CDC123: variants seen among roughly 807,000 people sequenced by gnomAD.
CDC123 encodes the protein translation initiation factor eIF2 assembly protein.
In CDC123, 37 loss-of-function variants were observed where a neutral mutation model predicts 54.4. The observed-to-expected ratio is 0.68, with a 90% confidence interval of 0.52 to 0.89. The LOEUF is 0.89. Among genes scored for constraint, CDC123 ranks in the 40% least tolerant of loss-of-function variants. The pLI is 0.00. For missense variants in CDC123, 361 were observed against 412.1 expected (o/e 0.88, Z 1.07); for synonymous variants, 144 against 136.8 (o/e 1.05, Z -0.37).
chr10:12,197,755 C>A (rs1835383972), intron 1 of CDC123, among the ~76,000 whole-genome samples: 1 of 151,838 alleles, frequency 6.6e-6, no homozygotes. Context: ...TTTGCTCTGT[C>A]GCCCAAGCTG....
chr10:12,217,083 CTT>C (rs1835673680), intron 5 of CDC123, among the ~76,000 whole-genome samples: 1 of 152,186 alleles, frequency 6.6e-6, no homozygotes, highest in African/African-American at 2.4e-5. Flanking sequence ...ATTTTCTTCT[CTT>C]CTATTATCAG....
intron 2 of CDC123, among the ~76,000 whole-genome samples, chr10:12,201,325 A>C (rs763283479): frequency 1.1e-4 from 16 of 152,192 alleles, no homozygotes; most frequent in Non-Finnish European, 1.8e-4. Flanking sequence ...GAGAATATAT[A>C]ATGAAAATTG....
chr10:12,216,968 CG>C (rs1564435886), intron 5 of CDC123, among the ~76,000 whole-genome samples: 1 of 152,166 alleles, frequency 6.6e-6, no homozygotes, highest in African/African-American at 2.4e-5. Context: ...TCCCCAGAAA[CG>C]GGAAGAGTGG....
intron 3 of CDC123, 128 bp downstream of exon 3, chr10:12,210,152 A>C: frequency 6.9e-7 from 1 of 1,439,044 alleles, no homozygotes. Context: ...TCTTACTTTG[A>C]CATATATTTT....
At chr10:12,235,962 T>C (rs1835972122) in intron 8 of CDC123, among the ~76,000 whole-genome samples, 1 of 152,186 alleles carries the variant, frequency 6.6e-6, no homozygotes, top group Admixed American at 6.5e-5. Flanking sequence ...AATAGTCCAG[T>C]TAGTGTGTTT....
At chr10:12,197,875 A>G (rs745485386) in intron 1 of CDC123, among the ~76,000 whole-genome samples, 5 of 152,108 alleles carry the variant, frequency 3.3e-5, no homozygotes, top group Non-Finnish European at 7.4e-5. Context: ...ACCATTTGTA[A>G]TGTGCCAAAA....
chr10:12,236,158 G>T (rs1835974497), intron 8 of CDC123, among the ~76,000 whole-genome samples: 1 of 152,248 alleles, frequency 6.6e-6, no homozygotes, highest in Non-Finnish European at 1.5e-5. Flanking sequence ...GAAAGTGGAA[G>T]AGAATACCAA....
chr10:12,211,008 G>A (rs544338286), intron 4 of CDC123, among the ~76,000 whole-genome samples: 4 of 152,182 alleles, frequency 2.6e-5, no homozygotes, highest in South Asian at 2.1e-4. Flanking sequence ...GGCCTCAAGC[G>A]TATTTAAATG....
intron 2 of CDC123, among the ~76,000 whole-genome samples, chr10:12,206,900 A>G (rs1451498475): frequency 6.6e-6 from 1 of 150,854 alleles, no homozygotes; most frequent in Non-Finnish European, 1.5e-5. Flanking sequence ...TAGACCTTGC[A>G]ATGAGCTGAA....
In CDC123 at chr10:12,198,540, T is replaced by C. The variant is rs1403772131; in HGVS notation, c.75-165T>C. On this transcript the variant is annotated intron_variant, in intron 1 of 12. Transcript: ENST00000281141. ...GGCAATAAGATGAACCGCAGTAATC[T>C]TATTATTCTGATTTCTTGTCTACTG... Among the ~76,000 whole-genome samples the C allele has an allele frequency of 2.0e-5, 3 of 152,224 alleles. No homozygotes were observed. In the East Asian group the frequency reaches 5.8e-4, roughly 29 times the overall value.
At chr10:12,233,994 T>C (rs939999006) in intron 7 of CDC123, among the ~76,000 whole-genome samples, 3 of 152,132 alleles carry the variant, frequency 2.0e-5, no homozygotes, top group Non-Finnish European at 4.4e-5. Context: ...TGGTGATTCA[T>C]TGTGACAAAC....
At chr10:12,235,016 G>A (rs1176826789) in intron 7 of CDC123, 32 bp from the exon 8 acceptor site, 4 of 1,546,492 alleles carry the variant, frequency 2.6e-6, no homozygotes, top group African/African-American at 1.4e-5. Flanking sequence ...ACATAGGTGT[G>A]TTATATTAAA....
chr10:12,241,787 A>C (rs1188445631), intron 10 of CDC123, among the ~76,000 whole-genome samples: 1 of 152,176 alleles, frequency 6.6e-6, no homozygotes, highest in African/African-American at 2.4e-5. Flanking sequence ...TTCAGAGAAG[A>C]ACAGTCATTG....
At chr10:12,237,683 T>A (rs2131761575) in intron 9 of CDC123, 1 of 152,636 alleles carries the variant, frequency 6.6e-6, no homozygotes, top group African/African-American at 2.4e-5. Context: ...ATCCGCCCAC[T>A]TCAGCCTCAC....
intron 10 of CDC123, 92 bp downstream of exon 10, chr10:12,238,577 T>C: frequency 2.7e-6 from 4 of 1,475,050 alleles, no homozygotes; most frequent in East Asian, 2.4e-5. Context: ...GAAGGATCCA[T>C]GCTCAAAAAA....
intron 2 of CDC123, among the ~76,000 whole-genome samples, chr10:12,203,102 G>A (rs1183051203): frequency 6.6e-6 from 1 of 152,206 alleles, no homozygotes; most frequent in Non-Finnish European, 1.5e-5. Flanking sequence ...AAGGGATGCA[G>A]ATCTTCCATG....
chr10:12,227,566 C>G (rs1835842818), intron 6 of CDC123, among the ~76,000 whole-genome samples: 1 of 151,638 alleles, frequency 6.6e-6, no homozygotes, highest in Non-Finnish European at 1.5e-5. Flanking sequence ...GTCACGATCT[C>G]AGATCACTGC....
chr10:12,228,213 G>C (rs186749657), intron 6 of CDC123, among the ~76,000 whole-genome samples: 1 of 152,104 alleles, frequency 6.6e-6, no homozygotes, highest in East Asian at 1.9e-4. Flanking sequence ...GGGATTACAG[G>C]TGTGAGCCCT....
At chr10:12,206,544 G>T (rs955163131) in intron 2 of CDC123, among the ~76,000 whole-genome samples, 3 of 152,198 alleles carry the variant, frequency 2.0e-5, no homozygotes, top group Non-Finnish European at 4.4e-5. Flanking sequence ...GGGTGCAGTG[G>T]CTCATGCCTG....
Sources: gnomAD v4.1 joint callset for allele counts (sites outside exome capture counted in the v4.1 genomes callset) on GRCh38, gnomAD v4.1.1 for gene constraint, MANE v1.5 for transcripts, NCBI Gene and HGNC (gene_info 2026-07-23, HGNC 2026-07-21) for gene names.